MAD1L1: variants seen among roughly 807,000 people sequenced by gnomAD.
MAD1L1 encodes mitotic spindle assembly checkpoint protein MAD1.
MAD1L1 carries 95 observed loss-of-function variants against 96.9 expected under a neutral mutation model. That is an observed-to-expected ratio of 0.98 (90% CI 0.83 to 1.16). MAD1L1 has a LOEUF of 1.16. Ranked by LOEUF, MAD1L1 falls within the 50% of genes most tolerant of loss-of-function variation. MAD1L1 has a pLI of 0.00. For synonymous variants in MAD1L1, 473 were observed against 396.6 expected (o/e 1.19, Z -2.29); for missense variants, 1,007 against 954.4 (o/e 1.06, Z -0.73).
chr7:2,118,825 C>A (rs1413880469), intron 11 of MAD1L1, among the ~76,000 whole-genome samples: 1 of 152,194 alleles, frequency 6.6e-6, no homozygotes, highest in Non-Finnish European at 1.5e-5. Context: ...TCACAGGTGA[C>A]GTGAGGCACG....
intron 18 of MAD1L1, chr7:1,845,764 G>A (rs72503892): frequency 0.093 from 14,231 of 152,644 alleles, 1,066 homozygotes; most frequent in African/African-American, 0.21. Flanking sequence ...GGGGAGGAGC[G>A]CGCTGTTTAG....
chr7:2,140,467 G>T (rs1321354094), intron 11 of MAD1L1, among the ~76,000 whole-genome samples: 1 of 152,244 alleles, frequency 6.6e-6, no homozygotes, highest in Non-Finnish European at 1.5e-5. Context: ...GGGAGCAAGA[G>T]GCCAACCAGG....
At chr7:2,091,880 T>C (rs1562678251) in intron 11 of MAD1L1, among the ~76,000 whole-genome samples, 1 of 152,366 alleles carries the variant, frequency 6.6e-6, no homozygotes, top group East Asian at 1.9e-4. Context: ...TTTGTTTATC[T>C]GTTCCTCTGT....
chr7:2,215,822 C>T (rs892128399), intron 9 of MAD1L1, 63 bp downstream of exon 9: 19 of 1,479,182 alleles, frequency 1.3e-5, no homozygotes, highest in Admixed American at 1.7e-5. Context: ...GACCACAATA[C>T]CGAGGCTCCT....
intron 11 of MAD1L1, among the ~76,000 whole-genome samples, chr7:2,118,601 C>T (rs1467029978): frequency 6.6e-6 from 1 of 152,196 alleles, no homozygotes; most frequent in Non-Finnish European, 1.5e-5. Flanking sequence ...GGTGACAGGC[C>T]CTCGATGTCC....
intron 11 of MAD1L1, among the ~76,000 whole-genome samples, chr7:2,108,878 CCATCCCTTCTTCACTGGCA>C (rs1312207939): frequency 2.0e-5 from 3 of 152,226 alleles, no homozygotes; most frequent in African/African-American, 7.2e-5. Context: ...ACGATCAGTT[CCATCCCTTCTTCACTGGCA>C]CATCTCTGAG....
At chr7:1,904,340 G>T (rs1389314176) in intron 17 of MAD1L1, among the ~76,000 whole-genome samples, 7 of 144,636 alleles carry the variant, frequency 4.8e-5, no homozygotes, top group Admixed American at 4.8e-4. Flanking sequence ...ACTGCTCCAG[G>T]CAGCAAGGAT....
At position 2,119,615 on chromosome 7, in the gene MAD1L1, G is replaced by A. The variant is rs1787880015; in HGVS notation, c.1073+29537C>T. ...AGGCCTCCAAGCCCTTGACTTAGTG[G>A]CAGGTGGGCTACAGCTGCAGGACAG... On this transcript the variant is annotated intron_variant, in intron 11 of 18. Coordinates refer to ENST00000265854, the MANE Select transcript of MAD1L1 (RefSeq NM_001013836.2). This position sits in a 1 kb window ranked among gnomAD's most constrained non-coding sequence, Gnocchi z 4.6. 6.6e-6 allele frequency among the ~76,000 whole-genome samples: 1 copy of A among 152,200 alleles called. No individual in the cohort carries two copies. Among genetic ancestry groups the A allele is most frequent in the African/African-American group, 2.4e-5 (1 of 41,456 alleles).
chr7:1,893,042 G>A (rs1159225885), intron 18 of MAD1L1, among the ~76,000 whole-genome samples: 2 of 152,220 alleles, frequency 1.3e-5, no homozygotes, highest in African/African-American at 2.4e-5. Context: ...ACCAGGAGCT[G>A]AGCCTCCCCG....
chr7:1,876,419 G>A (rs1227576716), intron 18 of MAD1L1, among the ~76,000 whole-genome samples: 3 of 151,824 alleles, frequency 2.0e-5, no homozygotes, highest in Non-Finnish European at 4.4e-5. Flanking sequence ...CTCACCCACC[G>A]AGACCAGGTC....
At chr7:2,013,894 C>G (rs1782414117) in intron 13 of MAD1L1, among the ~76,000 whole-genome samples, 1 of 152,192 alleles carries the variant, frequency 6.6e-6, no homozygotes, top group Admixed American at 6.5e-5. Flanking sequence ...CAGAGCTAGA[C>G]AAGGGCACGG....
At chr7:1,916,602 C>A (rs1323225557) in intron 17 of MAD1L1, among the ~76,000 whole-genome samples, 1 of 152,210 alleles carries the variant, frequency 6.6e-6, no homozygotes, top group Non-Finnish European at 1.5e-5. Flanking sequence ...GCCCCTCGGA[C>A]TACGCATACC....
chr7:1,985,913 T>C (rs1028117685), intron 14 of MAD1L1, among the ~76,000 whole-genome samples: 20 of 152,224 alleles, frequency 1.3e-4, no homozygotes, highest in African/African-American at 4.8e-4. Flanking sequence ...TACCGCCTCG[T>C]TAACTTTTGT....
intron 12 of MAD1L1, among the ~76,000 whole-genome samples, chr7:2,042,244 C>T (rs945867797): frequency 6.6e-6 from 1 of 151,646 alleles, no homozygotes; most frequent in Admixed American, 6.6e-5. Flanking sequence ...CATGCGCACA[C>T]GTACACAGAC....
chr7:1,938,766 A>T (rs1266489027), intron 16 of MAD1L1, among the ~76,000 whole-genome samples: 1 of 143,224 alleles, frequency 7.0e-6, no homozygotes, highest in South Asian at 2.3e-4. Context: ...ACACACACAC[A>T]CACGCACGCA....
At position 1,888,983 on chromosome 7, in the gene MAD1L1, C is replaced by T. The variant is rs536375243; in HGVS notation, c.1998+9217G>A. 8.5e-5 allele frequency among the ~76,000 whole-genome samples: 13 copies of T among 152,344 alleles called. No homozygotes were observed. The South Asian group carries it at 2.7e-3, about 32-fold the overall frequency. Reference sequence around the variant, plus strand: ...TGATGCACTCACTGACCTGCAGATCCTCGTGGCCTGATGTCGGCAGACAGT... The same window carrying T: ...TGATGCACTCACTGACCTGCAGATCTTCGTGGCCTGATGTCGGCAGACAGT... On this transcript the variant is annotated intron_variant, in intron 18 of 18. Coordinates refer to ENST00000265854, the MANE Select transcript of MAD1L1 (RefSeq NM_001013836.2).
intron 13 of MAD1L1, among the ~76,000 whole-genome samples, chr7:2,006,479 A>G (rs537741021): frequency 6.6e-6 from 1 of 152,186 alleles, no homozygotes; most frequent in East Asian, 1.9e-4. Context: ...CTCCTCCCTC[A>G]CCTTATTGTT....
intron 18 of MAD1L1, among the ~76,000 whole-genome samples, chr7:1,858,854 C>T (rs961354747): frequency 1.1e-4 from 16 of 152,230 alleles, no homozygotes; most frequent in African/African-American, 3.9e-4. Flanking sequence ...CCCCTCCTGG[C>T]TTCAGGGACA....
intron 17 of MAD1L1, among the ~76,000 whole-genome samples, chr7:1,932,762 C>T (rs1053658291): frequency 3.9e-5 from 6 of 152,246 alleles, no homozygotes; most frequent in Admixed American, 6.5e-5. Context: ...TTCAGGGAGA[C>T]GTCCTTGAGG....
Sources: allele counts gnomAD v4.1 joint callset (sites outside exome capture counted in the v4.1 genomes callset), GRCh38; gene constraint gnomAD v4.1.1; non-coding constraint Gnocchi (gnomAD v3.1); transcripts MANE v1.5; gene names NCBI Gene and HGNC (gene_info 2026-07-23, HGNC 2026-07-21).